The following KLF3 variants were observed in gnomAD, a reference collection of about 807,000 sequenced individuals.
KLF3 encodes the protein KLF transcription factor 3, also known as Krueppel-like factor 3.
KLF3 carries 6 observed loss-of-function variants against 32.7 expected under a neutral mutation model. The ratio of observed to expected loss-of-function variants is 0.18; its 90% confidence interval spans 0.10 to 0.36. KLF3 has a LOEUF of 0.36. KLF3 is among the 10% of genes least tolerant of loss of function. The pLI is 1.00. For missense variants in KLF3, 338 were observed against 449.7 expected (o/e 0.75, Z 2.25); for synonymous variants, 145 against 172.8 (o/e 0.84, Z 1.26).
At chr4:38,670,214 G>GTCTGGC (rs1163391599) in intron 1 of KLF3, among the ~76,000 whole-genome samples, 13 of 152,184 alleles carry the variant, frequency 8.5e-5, no homozygotes, top group Admixed American at 8.5e-4. Flanking sequence ...TAACCCCTGG[G>GTCTGGC]TCTGGCTCTT....
intron 2 of KLF3, among the ~76,000 whole-genome samples, chr4:38,683,630 A>T (rs925100961): frequency 1.0e-4 from 15 of 148,822 alleles, no homozygotes; most frequent in Admixed American, 3.4e-4. Context: ...ATGTACATAA[A>T]TTTTTTTTTT....
At chr4:38,673,618 G>A (rs1030441793) in intron 1 of KLF3, among the ~76,000 whole-genome samples, 11 of 152,222 alleles carry the variant, frequency 7.2e-5, no homozygotes, top group Non-Finnish European at 1.0e-4. Flanking sequence ...TCTAAGAAGG[G>A]TGTGGAATGC....
intron 2 of KLF3, among the ~76,000 whole-genome samples, chr4:38,686,276 C>T (rs1022552057): frequency 1.3e-5 from 2 of 151,698 alleles, no homozygotes; most frequent in African/African-American, 2.4e-5. Flanking sequence ...AAAACCCAGT[C>T]TCTACAAAAA....
chr4:38,675,244 G>A lies in KLF3; in HGVS notation c.-39-5343G>A, dbSNP rs573607928. Among the ~76,000 whole-genome samples, 421 of 152,262 alleles carry A rather than the reference G, an allele frequency of 2.8e-3. 2 individuals are homozygous for A. The highest frequency in any genetic ancestry group is 9.9e-3 in the African/African-American group (410 of 41,558). On this transcript the variant is annotated intron_variant, in intron 1 of 5. Transcript: ENST00000261438. ...TTTTGAGGACCATTCATTTTTATTG[G>A]CCTTTCTCTGCAAAATAACACAGCT...
At chr4:38,686,722 G>C (rs1298398018) in intron 2 of KLF3, among the ~76,000 whole-genome samples, 2 of 152,108 alleles carry the variant, frequency 1.3e-5, no homozygotes, top group Admixed American at 6.5e-5. Flanking sequence ...GGATTTCCAG[G>C]ATGGCATGTG....
At chr4:38,666,253 A>T (rs2109336311) in intron 1 of KLF3, among the ~76,000 whole-genome samples, 1 of 152,374 alleles carries the variant, frequency 6.6e-6, no homozygotes, top group Middle Eastern at 3.4e-3. Context: ...CTTAGACCAC[A>T]AAACCTTGTC....
intron 2 of KLF3, among the ~76,000 whole-genome samples, chr4:38,686,941 A>G (rs1295875771): frequency 6.6e-6 from 1 of 152,242 alleles, no homozygotes; most frequent in Non-Finnish European, 1.5e-5. Context: ...CCAGCCGAGG[A>G]TTCGCCCAGA....
intron 1 of KLF3, among the ~76,000 whole-genome samples, chr4:38,670,158 A>G (rs1245414978): frequency 6.6e-6 from 1 of 152,098 alleles, no homozygotes; most frequent in Non-Finnish European, 1.5e-5. Context: ...AGGGCTGGAG[A>G]CAGAAGAGAG....
intron 1 of KLF3, among the ~76,000 whole-genome samples, chr4:38,678,657 G>A (rs1272169849): frequency 6.6e-6 from 1 of 152,144 alleles, no homozygotes; most frequent in Non-Finnish European, 1.5e-5. Flanking sequence ...TGTATATGAA[G>A]ATATCTTAGT....
At position 38,685,257 on chromosome 4, in the gene KLF3, G is replaced by A. The variant is rs114799855; in HGVS notation, c.58-3328G>A. Among the ~76,000 whole-genome samples the A allele has an allele frequency of 3.6e-3, 542 of 152,290 alleles. 3 individuals carry two copies. The highest frequency in any genetic ancestry group is 0.012 in the African/African-American group (516 of 41,558). On this transcript the variant is annotated intron_variant, in intron 2 of 5. Coordinates refer to ENST00000261438, the MANE Select transcript of KLF3 (RefSeq NM_016531.6). ...TGTGCCACCCAAATAAAGTGAACCAGCTTGAGGGACCACATGTCTTCACCC... is the reference window on the plus strand; with the variant it reads ...TGTGCCACCCAAATAAAGTGAACCAACTTGAGGGACCACATGTCTTCACCC...
At chr4:38,690,921 T>C (rs1321350952) in intron 4 of KLF3, among the ~76,000 whole-genome samples, 1 of 152,176 alleles carries the variant, frequency 6.6e-6, no homozygotes, top group Admixed American at 6.5e-5. Flanking sequence ...AGCTCATGGA[T>C]TAATTGTCCA....
At position 38,699,404 on chromosome 4, in the gene KLF3, A is replaced by G. The variant is rs1052586158; in HGVS notation, c.*2141A>G. 5 of 152,182 alleles carry G rather than the reference A, an allele frequency of 3.3e-5. No individual in the cohort carries two copies. The highest frequency in any genetic ancestry group is 1.2e-4 in the African/African-American group (5 of 41,434). 9.4% of individuals were successfully genotyped at this position (152,182 alleles called of 1,614,324 possible). ...CATGGCAAAGTGTTCATTTCTTGAG[A>G]TGGTTCTTTCACAACACACAAGAAT... On this transcript the variant is annotated 3_prime_UTR_variant, in exon 6 of 6. Coordinates refer to ENST00000261438, the MANE Select transcript of KLF3 (RefSeq NM_016531.6).
intron 1 of KLF3, among the ~76,000 whole-genome samples, chr4:38,678,157 G>A (rs1356520980): frequency 2.0e-5 from 3 of 152,154 alleles, no homozygotes; most frequent in Non-Finnish European, 4.4e-5. Flanking sequence ...GTAAAAAGCT[G>A]GGGGTGAGGA....
rs1723071777 is a variant in KLF3 at position 38,697,384 on chromosome 4, C to A, written c.*121C>A. The A allele has an allele frequency of 4.2e-6, 4 of 958,858 alleles. No homozygotes were observed. Among genetic ancestry groups the A allele is most frequent in the Non-Finnish European group, 6.1e-6 (4 of 654,592 alleles). 59.4% of individuals were successfully genotyped at this position (958,858 alleles called of 1,614,324 possible). A position where few individuals can be genotyped will look rare whatever the true frequency, so the allele number is the denominator to read the frequency against. On this transcript the variant is annotated 3_prime_UTR_variant, in exon 6 of 6. Coordinates refer to ENST00000261438, the MANE Select transcript of KLF3 (RefSeq NM_016531.6). ...TTAATTTGATTCAGCTGGTCTGAAT[C>A]TCTGAATTTATATCATCCAAAACTT...
At chr4:38,669,893 C>CAAAAAAAAAAAAAAAAAA (rs60339860) in intron 1 of KLF3, among the ~76,000 whole-genome samples, 3 of 41,172 alleles carry the variant, frequency 7.3e-5, no homozygotes, top group African/African-American at 2.7e-4. Context: ...GACTCTGTCT[C>CAAAAAAAAAAAAAAAAAA]AAAAAAAAAA....
chr4:38,685,188 C>T (rs568157288), intron 2 of KLF3, among the ~76,000 whole-genome samples: 1 of 152,312 alleles, frequency 6.6e-6, no homozygotes, highest in Admixed American at 6.5e-5. Context: ...GTGTCAGTCC[C>T]TACACGGCAC....
intron 4 of KLF3, among the ~76,000 whole-genome samples, chr4:38,691,978 T>G (rs1191395757): frequency 2.0e-5 from 3 of 152,218 alleles, no homozygotes; most frequent in African/African-American, 7.2e-5. Flanking sequence ...TGAAATCCAT[T>G]TGCTCGATTG....
intron 4 of KLF3, among the ~76,000 whole-genome samples, chr4:38,692,149 A>G (rs1722893410): frequency 6.6e-6 from 1 of 152,250 alleles, no homozygotes; most frequent in African/African-American, 2.4e-5. Context: ...GTGTATGCGA[A>G]TTATAGCAAA....
intron 1 of KLF3, among the ~76,000 whole-genome samples, chr4:38,668,900 C>G (rs1722115891): frequency 6.6e-6 from 1 of 152,188 alleles, no homozygotes. Context: ...ATTATCCTAT[C>G]TTATAGTTGC....
Sources: allele counts gnomAD v4.1 joint callset (sites outside exome capture counted in the v4.1 genomes callset), GRCh38; gene constraint gnomAD v4.1.1; transcripts MANE v1.5; gene names NCBI Gene and HGNC (gene_info 2026-07-23, HGNC 2026-07-21).